Variants in COL11A1 observed in about 807,000 individuals in gnomAD.
COL11A1 encodes the protein collagen alpha-1(XI) chain.
Under a neutral mutation model 265.2 loss-of-function variants are expected in COL11A1, and 74 were observed. That is an observed-to-expected ratio of 0.28 (90% CI 0.23 to 0.34). The LOEUF is 0.34. Ranked by LOEUF, COL11A1 falls within the 10% of genes least tolerant of loss-of-function variation. COL11A1 has a pLI of 1.00. For synonymous variants in COL11A1, 816 were observed against 727.6 expected, an observed-to-expected ratio of 1.12 and a Z score of -1.96; for missense variants, 2,165 against 2,263.6, an observed-to-expected ratio of 0.96 and a Z score of 0.88.
At chr1:102,959,892 G>A (rs1401358120) in intron 41 of COL11A1, among the ~76,000 whole-genome samples, 1 of 152,082 alleles carries the variant, frequency 6.6e-6, no homozygotes, top group Non-Finnish European at 1.5e-5. Flanking sequence ...TATAGTCACA[G>A]CTCAGATGAT....
At chr1:103,006,165 C>A in intron 16 of COL11A1, 44 bp from the exon 17 acceptor site, 1 of 824,556 alleles carries the variant, frequency 1.2e-6, no homozygotes. Context: ...ACTTTTATTA[C>A]TAGCAAGGAA....
At chr1:103,018,338 A>G (rs1045641209) in intron 10 of COL11A1, among the ~76,000 whole-genome samples, 39 of 152,156 alleles carry the variant, frequency 2.6e-4, no homozygotes, top group Non-Finnish European at 5.3e-4. Context: ...TCCACAAAAG[A>G]CAGAGGATTT....
chr1:102,902,684 G>T (rs916113683), intron 54 of COL11A1, among the ~76,000 whole-genome samples: 3 of 151,108 alleles, frequency 2.0e-5, no homozygotes, highest in African/African-American at 4.9e-5. Flanking sequence ...AATTTTAAGA[G>T]GATTTATAAT....
Position 103,074,626 on chromosome 1 carries a change from C to G in COL11A1, c.643G>C (p.Val215Leu), listed in dbSNP as rs1171410203. ...GTTGGATTTATTTTTACCTCAAAAA[C>G]TTCTTCATCCAAAATCCTTGTTCCA... Reference protein sequence around the residue: ...VFGTRILDEEVFEGDIQQFLI... With the variant: ...VFGTRILDEELFEGDIQQFLI... Residue 215 changes from valine (V) to leucine (L), a missense_variant, in exon 4 of 67, where the codon GTT (valine) becomes CTT (leucine). By Grantham distance (32) the Val-to-Leu change is conservative (BLOSUM62 1). Transcript: ENST00000370096. 2.5e-6 allele frequency: 4 copies of G among 1,612,890 alleles called. No homozygotes were observed. The highest frequency in any genetic ancestry group is 3.4e-6 in the Non-Finnish European group (4 of 1,179,418).
At chr1:103,099,909 G>C (rs1488900801) in intron 1 of COL11A1, among the ~76,000 whole-genome samples, 1 of 151,830 alleles carries the variant, frequency 6.6e-6, no homozygotes, top group East Asian at 1.9e-4. Flanking sequence ...AATCTGAGGA[G>C]GTCCTCAAAC....
At chr1:102,986,886 T>C (rs1479909175) in intron 30 of COL11A1, among the ~76,000 whole-genome samples, 1 of 152,174 alleles carries the variant, frequency 6.6e-6, no homozygotes, top group African/African-American at 2.4e-5. Context: ...ATTGATATTG[T>C]GTCAAGCCCA....
Position 102,902,831 on chromosome 1 carries a change from T to A in COL11A1, c.4087-3837A>T, listed in dbSNP as rs548609454. The stretch of plus-strand genomic sequence containing the variant: ...ATAATACTTTATATGTGTGTGCATA[T>A]ATATATATACACACACATAGTACAT... On this transcript the variant is annotated intron_variant, in intron 54 of 66. Coordinates refer to ENST00000370096, the MANE Select transcript of COL11A1 (RefSeq NM_001854.4). 1.0e-3 allele frequency among the ~76,000 whole-genome samples: 150 copies of A among 150,312 alleles called. 1 individual carries two copies. The highest frequency in any genetic ancestry group is 3.5e-3 in the African/African-American group (146 of 41,238).
At chr1:102,926,667 A>G (rs1451512407) in intron 46 of COL11A1, among the ~76,000 whole-genome samples, 1 of 152,174 alleles carries the variant, frequency 6.6e-6, no homozygotes, top group East Asian at 1.9e-4. Context: ...TTTCTTCGTG[A>G]AAATGAAGAT....
chr1:103,012,495 A>T (rs773479083), intron 13 of COL11A1, 26 bp from the exon 14 acceptor site: 2 of 1,577,158 alleles, frequency 1.3e-6, no homozygotes, highest in East Asian at 2.2e-5. Flanking sequence ...TATCAAATTC[A>T]GTAATATTCT....
At chr1:102,957,151 G>T (rs1169712617) in intron 41 of COL11A1, among the ~76,000 whole-genome samples, 2 of 151,854 alleles carry the variant, frequency 1.3e-5, no homozygotes, top group Non-Finnish European at 2.9e-5. Context: ...CACTTCTATG[G>T]AGTGTCATAA....
rs552533165 is a variant in COL11A1 at position 103,004,987 on chromosome 1, GA to G, written c.1846-327del. On this transcript the variant is annotated intron_variant, in intron 18 of 66. Transcript: ENST00000370096. ...TTGTTCAGAAACTTATTTTGCTGAT[GA>G]TTGTATTAAATATGGATATATTTTG... is the stretch of plus-strand genomic sequence containing the variant. 2.8e-3 allele frequency among the ~76,000 whole-genome samples: 420 copies of G among 151,952 alleles called. 5 individuals are homozygous for G. The highest frequency in any genetic ancestry group is 9.4e-3 in the African/African-American group (392 of 41,500).
chr1:103,031,235 G>C lies in COL11A1; in HGVS notation c.661C>G (p.Gln221Glu). Residue 221 changes from glutamine to glutamate, a missense_variant, in exon 5 of 67, where the codon CAG becomes GAG. Gln to Glu is a conservative substitution (Grantham distance 29). Coordinates refer to ENST00000370096, the MANE Select transcript of COL11A1 (RefSeq NM_001854.4). ...GGATCACCTGTGATCAAAAACTGCT[G>C]AATGTCCCCCTGGGAAAAAAAAAAA... The part of the protein sequence containing the change: ...LDEEVFEGDI[Q>E]QFLITGDPKA... 6.4e-7 allele frequency: 1 copy of C among 1,559,330 alleles called. No homozygotes were observed. Among genetic ancestry groups the C allele is most frequent in the East Asian group, 2.3e-5 (1 of 42,838 alleles).
intron 50 of COL11A1, among the ~76,000 whole-genome samples, chr1:102,915,305 A>G (rs1655204066): frequency 6.7e-6 from 1 of 149,182 alleles, no homozygotes; most frequent in Non-Finnish European, 1.5e-5. Context: ...TCACAATACA[A>G]TTGACACGTT....
At chr1:103,067,012 A>C (rs1319505781) in intron 4 of COL11A1, among the ~76,000 whole-genome samples, 1 of 151,898 alleles carries the variant, frequency 6.6e-6, no homozygotes, top group Non-Finnish European at 1.5e-5. Context: ...ATGCCTGAGA[A>C]TGCAATACAT....
chr1:102,972,167 A>G (rs984434955), intron 36 of COL11A1, among the ~76,000 whole-genome samples: 11 of 152,202 alleles, frequency 7.2e-5, no homozygotes, highest in African/African-American at 2.4e-4. Context: ...CTGGGCAATA[A>G]TAAAAGTTTT....
chr1:102,907,475 T>C (rs990803446), intron 54 of COL11A1, among the ~76,000 whole-genome samples: 2 of 152,078 alleles, frequency 1.3e-5, no homozygotes, highest in Non-Finnish European at 2.9e-5. Flanking sequence ...GCTTCCTACA[T>C]ACCACTCGTA....
intron 65 of COL11A1, among the ~76,000 whole-genome samples, chr1:102,881,064 C>G (rs954358856): frequency 1.3e-5 from 2 of 151,794 alleles, no homozygotes; most frequent in Admixed American, 1.3e-4. Flanking sequence ...AATAGCTTTT[C>G]AAAGAAAATT....
chr1:102,887,082 A>C lies in COL11A1; in HGVS notation c.4609-26T>G, dbSNP rs770442268. The C allele has an allele frequency of 5.0e-6, 8 of 1,613,150 alleles. 2 individuals are homozygous for C. In the South Asian group the frequency reaches 8.8e-5, roughly 18 times the overall value. On this transcript the variant is annotated intron_variant, in intron 62 of 66. Transcript: ENST00000370096. The stretch of plus-strand genomic sequence containing the variant: ...CTGTAAAGAAGATAATGTGAGTGCA[A>C]TTGTTTCATAAAGTGGAATATTCTG...
chr1:103,030,060 C>T (rs1018317135), intron 5 of COL11A1, among the ~76,000 whole-genome samples: 5 of 151,914 alleles, frequency 3.3e-5, no homozygotes, highest in African/African-American at 4.8e-5. Flanking sequence ...AAACACTAAA[C>T]CTGATAATTA....
Sources: gnomAD v4.1 joint callset for allele counts (sites outside exome capture counted in the v4.1 genomes callset) on GRCh38, gnomAD v4.1.1 for gene constraint, MANE v1.5 for transcripts, NCBI Gene and HGNC (gene_info 2026-07-23, HGNC 2026-07-21) for gene names.